The following DNAH11 variants were observed in gnomAD, a reference collection of about 807,000 sequenced individuals.
DNAH11 encodes the protein axonemal beta dynein heavy chain 11.
In DNAH11, 442 loss-of-function variants were observed where a neutral mutation model predicts 526.0. The observed-to-expected ratio is 0.84, with a 90% confidence interval of 0.78 to 0.91. The LOEUF (loss-of-function observed/expected upper bound fraction) is 0.91, where lower values mean the gene tolerates loss of function less well. Ranked by LOEUF, DNAH11 falls within the 40% of genes least tolerant of loss-of-function variation. The probability of loss-of-function intolerance (pLI) is 0.00; values close to 1 mark genes in which losing one functional copy is unlikely to be tolerated. For missense variants in DNAH11, 6,989 were observed against 5,448.7 expected (o/e 1.28, Z -8.90); for synonymous variants, 2,461 against 1,935.9 (o/e 1.27, Z -7.12).
intron 51 of DNAH11, 138 bp downstream of exon 51, chr7:21,745,201 T>C: frequency 1.1e-6 from 1 of 915,834 alleles, no homozygotes; most frequent in Non-Finnish European, 1.6e-6. Context: ...TTTTAAAATA[T>C]AAAAGGGTCG....
chr7:21,874,541 A>G (rs1015157198), intron 74 of DNAH11, among the ~76,000 whole-genome samples: 6 of 151,716 alleles, frequency 4.0e-5, no homozygotes, highest in Non-Finnish European at 5.9e-5. Flanking sequence ...TCATCATGTT[A>G]GCCAGGCTGG....
At chr7:21,752,445 T>A (rs986804896) in intron 54 of DNAH11, among the ~76,000 whole-genome samples, 13 of 152,206 alleles carry the variant, frequency 8.5e-5, no homozygotes, top group African/African-American at 3.1e-4. Context: ...ACTTTTCTAT[T>A]GGATTGTACA....
intron 1 of DNAH11, among the ~76,000 whole-genome samples, chr7:21,544,667 C>G (rs1344870958): frequency 1.6e-5 from 2 of 125,258 alleles, no homozygotes; most frequent in Non-Finnish European, 3.7e-5. Context: ...AAAAAATAAC[C>G]CTTTAGGATT....
At chr7:21,861,634 A>G (rs1463044694) in intron 68 of DNAH11, among the ~76,000 whole-genome samples, 1 of 152,248 alleles carries the variant, frequency 6.6e-6, no homozygotes, top group Non-Finnish European at 1.5e-5. Context: ...GCTTGGAAGG[A>G]GATTGAATGG....
At chr7:21,872,741 TAAC>T (rs1783550678) in intron 73 of DNAH11, among the ~76,000 whole-genome samples, 2 of 152,258 alleles carry the variant, frequency 1.3e-5, no homozygotes, top group African/African-American at 4.8e-5. Context: ...CAAAACATCT[TAAC>T]AATGAATGAT....
rs192384867 is a variant in DNAH11, at chr7:21,569,653, C to T, written c.1195-416C>T. 3.7e-3 allele frequency among the ~76,000 whole-genome samples: 562 copies of T among 152,240 alleles called. 1 individual carries two copies. Among genetic ancestry groups the T allele is most frequent in the South Asian group, 0.012 (56 of 4,826 alleles). ...TCAGCTCTTTCTCTTTACAAGTGGT[C>T]CTGAACTACCAGGTAAAGTGAGCAT... is the stretch of plus-strand genomic sequence containing the variant. On this transcript the variant is annotated intron_variant, in intron 6 of 81. Transcript: ENST00000409508.
At chr7:21,557,661 T>C (rs1218209149) in intron 2 of DNAH11, among the ~76,000 whole-genome samples, 1 of 152,182 alleles carries the variant, frequency 6.6e-6, no homozygotes, top group African/African-American at 2.4e-5. Flanking sequence ...AGAGGACACA[T>C]ATTCACACCA....
chr7:21,735,515 G>C (rs2128488981), intron 45 of DNAH11, 125 bp from the exon 46 acceptor site: 1 of 808,742 alleles, frequency 1.2e-6, no homozygotes, highest in East Asian at 2.7e-5. Context: ...TCTGAACTAT[G>C]AATTATTTGG....
At chr7:21,842,817 T>C (rs1269991290) in intron 66 of DNAH11, 69 bp downstream of exon 66, 3 of 1,338,562 alleles carry the variant, frequency 2.2e-6, no homozygotes, top group East Asian at 2.5e-5. Context: ...GTGCTAGACA[T>C]AGAAGTATAA....
intron 69 of DNAH11, among the ~76,000 whole-genome samples, chr7:21,862,908 C>CA (rs199726146): frequency 0.027 from 4,020 of 151,690 alleles, 97 homozygotes; most frequent in African/African-American, 0.061. Context: ...ACTAAAAATA[C>CA]AAAAAATTAG....
chr7:21,693,415 G>T (rs1265515255), intron 35 of DNAH11, among the ~76,000 whole-genome samples: 1 of 152,122 alleles, frequency 6.6e-6, no homozygotes, highest in Non-Finnish European at 1.5e-5. Context: ...TGCCATGAGG[G>T]TTATTGTTCT....
intron 41 of DNAH11, 80 bp downstream of exon 41, chr7:21,710,783 A>T: frequency 7.2e-7 from 1 of 1,387,074 alleles, no homozygotes; most frequent in Non-Finnish European, 9.6e-7. Flanking sequence ...CGATGTTAAT[A>T]CTAGTTTTTG....
rs561049350 is a variant in DNAH11, at chr7:21,784,799, T to C, written c.9597+259T>C. ...TGAATATTTCCAACAGTGTGGGATTTATACTCTTAGGAAAGGCAACTGGAT... is the reference window on the plus strand; with the variant it reads ...TGAATATTTCCAACAGTGTGGGATTCATACTCTTAGGAAAGGCAACTGGAT... On this transcript the variant is annotated intron_variant, in intron 58 of 81. Coordinates refer to ENST00000409508, the MANE Select transcript of DNAH11 (RefSeq NM_001277115.2). Among the ~76,000 whole-genome samples the C allele has an allele frequency of 3.3e-5, 5 of 152,326 alleles. No individual in the cohort carries two copies. The South Asian group carries it at 8.3e-4, about 25-fold the overall frequency.
intron 45 of DNAH11, 143 bp from the exon 46 acceptor site, chr7:21,735,497 G>A (rs1460256752): frequency 1.4e-6 from 1 of 690,398 alleles, no homozygotes; most frequent in Non-Finnish European, 2.4e-6. Flanking sequence ...TCTCCTGTTG[G>A]GTGCTAATCT....
chr7:21,795,686 A>G (rs1408191030), intron 61 of DNAH11, among the ~76,000 whole-genome samples: 1 of 152,252 alleles, frequency 6.6e-6, no homozygotes, highest in Non-Finnish European at 1.5e-5. Flanking sequence ...ACACTGGACT[A>G]GGCACTGGAG....
At chr7:21,709,502 T>C (rs1784384910) in intron 40 of DNAH11, among the ~76,000 whole-genome samples, 1 of 152,162 alleles carries the variant, frequency 6.6e-6, no homozygotes, top group Non-Finnish European at 1.5e-5. Context: ...GATGGCACCA[T>C]TTGTATCCCA....
At chr7:21,807,363 G>T (rs565733330) in intron 62 of DNAH11, among the ~76,000 whole-genome samples, 159 of 152,336 alleles carry the variant, frequency 1.0e-3, no homozygotes, top group African/African-American at 3.7e-3. Context: ...GCCAGGCGTG[G>T]TGGTGCATGC....
At chr7:21,600,605 TGTTATGTTGTAGATAATTGGTAAA>T (rs1205783824) in intron 15 of DNAH11, 47 bp from the exon 16 acceptor site, 15 of 1,422,240 alleles carry the variant, frequency 1.1e-5, no homozygotes, top group Non-Finnish European at 1.4e-5. Context: ...ACCTTGGTAA[TGTTATGTTGTAGATAATTGGTAAA>T]GTAAGGTTGG....
chr7:21,561,248 A>T, intron 5 of DNAH11, 78 bp downstream of exon 5: 1 of 1,041,908 alleles, frequency 9.6e-7, no homozygotes, highest in Non-Finnish European at 1.4e-6. Flanking sequence ...CGGCCTTGAT[A>T]TTTACCCTTC....
Sources: gnomAD v4.1 joint callset for allele counts (sites outside exome capture counted in the v4.1 genomes callset) on GRCh38, gnomAD v4.1.1 for gene constraint, MANE v1.5 for transcripts, NCBI Gene and HGNC (gene_info 2026-07-23, HGNC 2026-07-21) for gene names.